Variants in KDM4D observed in about 807,000 individuals in gnomAD.
KDM4D encodes the protein lysine demethylase 4D.
For missense variants in KDM4D, 427 were observed against 674.8 expected, an observed-to-expected ratio of 0.63 and a Z score of 4.07; for synonymous variants, 254 against 249.1, an observed-to-expected ratio of 1.02 and a Z score of -0.19.
chr11:94,982,576 AAAAAG>A (rs1284717409), intron 2 of KDM4D, among the ~76,000 whole-genome samples: 2 of 151,770 alleles, frequency 1.3e-5, no homozygotes, highest in East Asian at 1.9e-4. Context: ...TGACTATTAA[AAAAAG>A]AAGAGATATA....
chr11:94,988,852 G>C, intron 2 of KDM4D, among the ~76,000 whole-genome samples: 1 of 152,116 alleles, frequency 6.6e-6, no homozygotes, highest in Middle Eastern at 3.2e-3. Flanking sequence ...ACTTGAGATG[G>C]GGGGAATCAG....
intron 2 of KDM4D, among the ~76,000 whole-genome samples, chr11:94,989,675 C>G (rs1296987727): frequency 6.6e-6 from 1 of 151,234 alleles, no homozygotes; most frequent in Non-Finnish European, 1.5e-5. Flanking sequence ...AAGTCCACAC[C>G]AAATATTGGC....
chr11:94,991,856 G>A (rs1464127087), intron 2 of KDM4D, among the ~76,000 whole-genome samples: 2 of 150,192 alleles, frequency 1.3e-5, no homozygotes, highest in African/African-American at 4.9e-5. Flanking sequence ...TGGATAAAAT[G>A]TAAGAATATG....
chr11:94,974,439 A>C (rs12274133), intron 1 of KDM4D, among the ~76,000 whole-genome samples: 1,651 of 152,354 alleles, frequency 0.011, 40 homozygotes, highest in African/African-American at 0.037. Context: ...TGTTAAACAA[A>C]TGAAAATTCA....
intron 1 of KDM4D, 128 bp from the exon 2 acceptor site, chr11:94,975,526 A>T: frequency 6.6e-6 from 1 of 152,106 alleles, no homozygotes; most frequent in East Asian, 1.9e-4. Context: ...TACTCTAAGG[A>T]TTAAGTGAAT....
Position 94,989,813 on chromosome 11 carries a change from G to A in KDM4D, c.-349-7211G>A, listed in dbSNP as rs1346977325. Among the ~76,000 whole-genome samples, 24 of 147,728 alleles carry A rather than the reference G, an allele frequency of 1.6e-4. 1 individual carries two copies. The highest frequency in any genetic ancestry group is 1.5e-4 in the Non-Finnish European group (10 of 67,436). ...CTTGCCCAGGCTGGAGTGCAGTGGC[G>A]TGATCTCAGCTCACTGCAACCTCCG... On this transcript the variant is annotated intron_variant, in intron 2 of 2. Transcript: ENST00000335080.
chr11:94,991,586 TTTGA>T (rs1488303376), intron 2 of KDM4D, among the ~76,000 whole-genome samples: 12 of 151,288 alleles, frequency 7.9e-5, no homozygotes, highest in Admixed American at 4.6e-4. Context: ...AAATTAAAAA[TTTGA>T]TTGGAGAAAT....
chr11:94,990,204 G>T (rs1001265345), intron 2 of KDM4D, among the ~76,000 whole-genome samples: 1 of 152,214 alleles, frequency 6.6e-6, no homozygotes. Flanking sequence ...AGAGATGAAA[G>T]CTGCTTGTCA....
Position 94,997,395 on chromosome 11 carries a change from C to T in KDM4D, c.23C>T (p.Ala8Val). 6.2e-7 allele frequency: 1 copy of T among 1,609,988 alleles called. No homozygotes were observed. Among genetic ancestry groups the T allele is most frequent in the South Asian group, 1.1e-5 (1 of 90,156 alleles). Residue 8 changes from alanine (A) to valine (V), a missense_variant, in exon 3 of 3, where the codon GCC becomes GTC. Transcript: ENST00000335080. The stretch of plus-strand genomic sequence containing the variant: ...TAAATGGAAACTATGAAGTCTAAGG[C>T]CAACTGTGCCCAGAATCCAAATTGT... METMKSK[A>V]NCAQNPNCNI... is the part of the protein sequence containing the mutation.
intron 2 of KDM4D, among the ~76,000 whole-genome samples, chr11:94,982,840 G>A (rs1555097734): frequency 6.6e-6 from 1 of 151,896 alleles, no homozygotes; most frequent in African/African-American, 2.4e-5. Context: ...AAGCTTCATT[G>A]ATATACATGC....
rs1252638838 is a variant in KDM4D at position 94,998,251 on chromosome 11, C to A, written c.879C>A (p.Ile293=). The part of the protein sequence containing the change: ...FNHGFNCAEA[I]NFATPRWIDY... ...ATGGTTTCAACTGCGCAGAGGCCAT[C>A]AATTTTGCCACTCCGCGATGGATTG... The change falls in exon 3 of 3, where the codon ATC becomes ATA. Residue 293 remains isoleucine (I), a synonymous_variant. Coordinates refer to ENST00000335080, the MANE Select transcript of KDM4D (RefSeq NM_018039.3). This position sits in a 1 kb window ranked among gnomAD's most constrained non-coding sequence, Gnocchi z 6.7. The A allele has an allele frequency of 6.2e-7, 1 of 1,614,150 alleles. No individual in the cohort carries two copies. The highest frequency in any genetic ancestry group is 8.5e-7 in the Non-Finnish European group (1 of 1,180,058).
intron 2 of KDM4D, among the ~76,000 whole-genome samples, chr11:94,996,034 T>C (rs1555099192): frequency 2.6e-5 from 4 of 152,258 alleles, no homozygotes; most frequent in African/African-American, 9.6e-5. Flanking sequence ...ACGGTATGAG[T>C]TAAGGAAACA....
intron 2 of KDM4D, among the ~76,000 whole-genome samples, chr11:94,990,866 C>G (rs1311987147): frequency 6.6e-6 from 1 of 152,168 alleles, no homozygotes; most frequent in Non-Finnish European, 1.5e-5. Context: ...TCTAACAAAA[C>G]AGAGCCCTAG....
chr11:94,976,501 C>T (rs1362064211), intron 2 of KDM4D, among the ~76,000 whole-genome samples: 7 of 152,202 alleles, frequency 4.6e-5, no homozygotes, highest in African/African-American at 1.7e-4. Context: ...GACCCACACT[C>T]TCCCTTGTGC....
intron 2 of KDM4D, among the ~76,000 whole-genome samples, chr11:94,982,443 CTT>C (rs1339778283): frequency 1.3e-5 from 2 of 150,792 alleles, no homozygotes; most frequent in African/African-American, 4.9e-5. Flanking sequence ...TAGAGCCACT[CTT>C]ATTAAAATCT....
chr11:94,988,934 T>A (rs1757537356), intron 2 of KDM4D, among the ~76,000 whole-genome samples: 1 of 152,146 alleles, frequency 6.6e-6, no homozygotes, highest in African/African-American at 2.4e-5. Context: ...ATGCACGTCA[T>A]GCAACAACCT....
intron 2 of KDM4D, among the ~76,000 whole-genome samples, chr11:94,985,034 C>G (rs1555097976): frequency 6.6e-6 from 1 of 152,150 alleles, no homozygotes; most frequent in Non-Finnish European, 1.5e-5. Flanking sequence ...TTATTTATTT[C>G]TACTTAAAAA....
At chr11:94,994,992 T>C (rs1857964640) in intron 2 of KDM4D, among the ~76,000 whole-genome samples, 1 of 152,174 alleles carries the variant, frequency 6.6e-6, no homozygotes, top group South Asian at 2.1e-4. Context: ...TGTTTTCTCC[T>C]GAGAGGACGG....
At chr11:94,980,754 A>G (rs587647005) in intron 2 of KDM4D, among the ~76,000 whole-genome samples, 9 of 152,228 alleles carry the variant, frequency 5.9e-5, no homozygotes, top group African/African-American at 2.2e-4. Context: ...ATTGATTTTT[A>G]TATGTAGCTA....
Sources: allele counts gnomAD v4.1 joint callset (sites outside exome capture counted in the v4.1 genomes callset), GRCh38; gene constraint gnomAD v4.1.1; non-coding constraint Gnocchi (gnomAD v3.1); transcripts MANE v1.5; gene names NCBI Gene and HGNC (gene_info 2026-07-23, HGNC 2026-07-21).